Variants in NEK2 observed in about 807,000 individuals in gnomAD.
NEK2 encodes NIMA related kinase 2, also known as serine/threonine-protein kinase Nek2.
In NEK2, 28 loss-of-function variants were observed where a neutral mutation model predicts 54.1. The ratio of observed to expected loss-of-function variants is 0.52; its 90% CI spans 0.38 to 0.71. NEK2 has a LOEUF of 0.71. Ranked by LOEUF, NEK2 falls within the 30% of genes least tolerant of loss-of-function variation. The pLI, the probability that NEK2 is intolerant of heterozygous loss-of-function variation, is 0.00. For synonymous variants in NEK2, 176 were observed against 193.1 expected, an observed-to-expected ratio of 0.91 and a Z score of 0.73; for missense variants, 407 against 531.5, an observed-to-expected ratio of 0.77 and a Z score of 2.30.
rs2102447971 is a variant in NEK2, at chr1:211,674,305, G to C, written c.305C>G (p.Thr102Ser). 1 of 1,607,674 alleles carries C rather than the reference G, an allele frequency of 6.2e-7. No individual in the cohort carries two copies. The highest frequency in any genetic ancestry group is 1.7e-4 in the Middle Eastern group (1 of 6,058). Residue 102 changes from threonine to serine, a missense_variant, in exon 2 of 8, where the codon ACC becomes AGC. Physicochemically the swap from Thr to Ser is moderately conservative, Grantham distance 58. Coordinates refer to ENST00000366999, the MANE Select transcript of NEK2 (RefSeq NM_002497.4). ...GDLASVITKG[T>S]KERQYLDEEF... Reference sequence around the variant, plus strand: ...AAAAGATTATGCTTACCTTTCCTTGGTTCCCTTTGTAATTACACTAGCCAG... The same window carrying C: ...AAAAGATTATGCTTACCTTTCCTTGCTTCCCTTTGTAATTACACTAGCCAG...
chr1:211,660,363 C>A, downstream of NEK2: 2 of 584,430 alleles, frequency 3.4e-6, no homozygotes, highest in Non-Finnish European at 6.6e-6. Context: ...TCTCCTGGAC[C>A]ACCTTCTTGG....
At chr1:211,660,696 C>T (rs1307638056), downstream of NEK2, 8 of 671,338 alleles carry the variant, frequency 1.2e-5, no homozygotes, top group South Asian at 1.0e-4. Context: ...CTTGAATCTG[C>T]GAAGATCCAC....
downstream of NEK2, chr1:211,660,643 G>C: frequency 1.5e-5 from 10 of 652,392 alleles, no homozygotes; most frequent in Non-Finnish European, 2.6e-5. Context: ...AAGGTAGAAA[G>C]AGTAGAAAAC....
chr1:211,670,802 T>TGAAAAGAAGAACAAACGAAAA (rs1553299332), intron 4 of NEK2, among the ~76,000 whole-genome samples: 14 of 151,676 alleles, frequency 9.2e-5, no homozygotes, highest in Admixed American at 9.2e-4. Flanking sequence ...GGAAAGAAAA[T>TGAAAAGAAGAACAAACGAAAA]GAAAAGAAGA....
In NEK2 at chr1:211,675,547, C is replaced by A; in HGVS notation, c.-68G>T. The A allele has an allele frequency of 7.7e-7, 1 of 1,294,886 alleles. No individual in the cohort carries two copies. Among genetic ancestry groups the A allele is most frequent in the Non-Finnish European group, 1.1e-6 (1 of 895,210 alleles). 80.2% of individuals were successfully genotyped at this position (1,294,886 alleles called of 1,614,324 possible). On this transcript the variant is annotated 5_prime_UTR_variant, in exon 1 of 8. Transcript: ENST00000366999. The stretch of plus-strand genomic sequence containing the variant: ...GCCGCCAAGTGCGGAGCTCCAGGGA[C>A]CAGGAACTCCAGGGACCTGGATGGA...
At chr1:211,668,469 G>T (rs1655248548) in intron 6 of NEK2, among the ~76,000 whole-genome samples, 1 of 152,056 alleles carries the variant, frequency 6.6e-6, no homozygotes, top group African/African-American at 2.4e-5. Flanking sequence ...AAAATATCTT[G>T]TATCTAGATT....
downstream of NEK2, chr1:211,660,928 G>A (rs1229124537): frequency 5.4e-6 from 4 of 741,812 alleles, no homozygotes; most frequent in East Asian, 5.2e-5. Context: ...GTGGGTGAGG[G>A]ATGAATCCGT....
chr1:211,662,129 A>C (rs1230016016), downstream of NEK2, among the ~76,000 whole-genome samples: 2 of 152,220 alleles, frequency 1.3e-5, no homozygotes, highest in Non-Finnish European at 2.9e-5. The surrounding 1 kb of genome is among the most constrained non-coding windows in gnomAD (Gnocchi z 4.2). Context: ...TATCAACTCG[A>C]TATCCATCCA....
At chr1:211,669,062 A>G (rs768158312) in intron 6 of NEK2, 51 bp downstream of exon 6, 19 of 1,493,406 alleles carry the variant, frequency 1.3e-5, no homozygotes, top group Admixed American at 3.4e-5. Context: ...AGACACATCA[A>G]AATAACCCAC....
At chr1:211,673,453 TA>T in intron 3 of NEK2, 29 bp downstream of exon 3, 1 of 1,608,120 alleles carries the variant, frequency 6.2e-7, no homozygotes, top group Non-Finnish European at 8.5e-7. Context: ...AAAGATGTTT[TA>T]AAAAGTAGCT....
intron 6 of NEK2, 112 bp from the exon 7 acceptor site, chr1:211,667,343 T>C (rs1655213833): frequency 9.9e-7 from 1 of 1,011,926 alleles, no homozygotes; most frequent in Admixed American, 2.7e-5. Context: ...TGATAAGCAA[T>C]GTTTGGGGAA....
chr1:211,658,281 A>G (rs1654922779), downstream of NEK2, among the ~76,000 whole-genome samples: 1 of 152,038 alleles, frequency 6.6e-6, no homozygotes, highest in Non-Finnish European at 1.5e-5. Flanking sequence ...AAAGATATTT[A>G]TTTACTTTTT....
At chr1:211,673,747 C>A in intron 2 of NEK2, 24 bp from the exon 3 acceptor site, 2 of 1,601,234 alleles carry the variant, frequency 1.2e-6, no homozygotes, top group Non-Finnish European at 1.7e-6. Context: ...AGTTATACAG[C>A]ATATAACTTC....
rs1655182417 is a variant in NEK2, at chr1:211,666,501, T to G, written c.1111+605A>C. The G allele has an allele frequency of 8.2e-6, 8 of 980,748 alleles. No homozygotes were observed. The South Asian group carries it at 3.8e-4, about 46-fold the overall frequency. The allele number at this position is 980,748 out of a possible 1,614,324, so 60.8% of individuals were successfully genotyped here. On this transcript the variant is annotated intron_variant, in intron 7 of 7. Coordinates refer to ENST00000366999, the MANE Select transcript of NEK2 (RefSeq NM_002497.4). ...TACAATAGTTTTGTAAATGCCCTAA[T>G]TTTTAAAAATAAGTATCGGCTGGGC... is the stretch of plus-strand genomic sequence containing the variant.
Position 211,663,330 on chromosome 1 carries a change from A to G in NEK2, c.*96T>C, listed in dbSNP as rs1263269695. The G allele has an allele frequency of 6.6e-7, 1 of 1,506,404 alleles. No individual in the cohort carries two copies. 93.3% of individuals were successfully genotyped at this position (1,506,404 alleles called of 1,614,324 possible). A position where few individuals can be genotyped will look rare whatever the true frequency, so the allele number is the denominator to read the frequency against. ...TGTACTATACAGAAAGGCATGGCTC[A>G]TGGAACCAAGTATTCAACACTACAG... On this transcript the variant is annotated 3_prime_UTR_variant, in exon 8 of 8. Coordinates refer to ENST00000366999, the MANE Select transcript of NEK2 (RefSeq NM_002497.4).
downstream of NEK2, chr1:211,660,234 G>A (rs887000813): frequency 6.0e-6 from 2 of 331,100 alleles, no homozygotes; most frequent in South Asian, 3.7e-5. Flanking sequence ...CCAGAAAGAT[G>A]GCTGGGAGCA....
rs2102445398 is a variant in NEK2 at position 211,671,346 on chromosome 1, TA to T, written c.556-63del. ...TAAGAGTTTATTTTGTTTTGAAACT[TA>T]AAAAACACATTAAATTACTCCTGAG... On this transcript the variant is annotated intron_variant, in intron 3 of 7. Coordinates refer to ENST00000366999, the MANE Select transcript of NEK2 (RefSeq NM_002497.4). 4.0e-5 allele frequency: 48 copies of T among 1,192,942 alleles called. 1 individual carries two copies. In the South Asian group the frequency reaches 5.9e-4, roughly 15 times the overall value. 73.9% of individuals were successfully genotyped at this position (1,192,942 alleles called of 1,614,324 possible).
At chr1:211,670,165 G>A in intron 5 of NEK2, 116 bp downstream of exon 5, 1 of 1,109,760 alleles carries the variant, frequency 9.0e-7, no homozygotes, top group Non-Finnish European at 1.3e-6. Context: ...AGTAAATTTA[G>A]CTAAGAAAGT....
chr1:211,672,106 G>T (rs1021034687), intron 3 of NEK2, among the ~76,000 whole-genome samples: 2 of 152,182 alleles, frequency 1.3e-5, no homozygotes, highest in Middle Eastern at 3.2e-3. Context: ...ACTATAGTAA[G>T]ATCTGTTAAC....
Sources: gnomAD v4.1 joint callset for allele counts (sites outside exome capture counted in the v4.1 genomes callset) on GRCh38, gnomAD v4.1.1 for gene constraint, Gnocchi (gnomAD v3.1) non-coding constraint, MANE v1.5 for transcripts, NCBI Gene and HGNC (gene_info 2026-07-23, HGNC 2026-07-21) for gene names.